The following TRIM3 variants were observed in gnomAD, a reference collection of about 807,000 sequenced individuals.
TRIM3 encodes tripartite motif containing 3.
TRIM3 carries 13 observed loss-of-function variants against 66.6 expected under a neutral mutation model. The observed-to-expected ratio is 0.20, with a 90% CI of 0.13 to 0.31. The LOEUF is 0.31. Among genes scored for constraint, TRIM3 ranks in the 10% least tolerant of loss-of-function variants. The pLI is 1.00. For missense variants in TRIM3, 711 were observed against 1,020.4 expected, an observed-to-expected ratio of 0.70 and a Z score of 4.13; for synonymous variants, 406 against 411.7, an observed-to-expected ratio of 0.99 and a Z score of 0.17.
At chr11:6,471,341 G>C (rs1850678783) in intron 1 of TRIM3, among the ~76,000 whole-genome samples, 1 of 152,162 alleles carries the variant, frequency 6.6e-6, no homozygotes, top group Non-Finnish European at 1.5e-5. Context: ...GATCATTTGA[G>C]ACCTCAAAAA....
chr11:6,448,779 A>G lies in TRIM3; in HGVS notation c.*249T>C, dbSNP rs892651286. 3.3e-6 allele frequency: 2 copies of G among 613,260 alleles called. No individual in the cohort carries two copies. Among genetic ancestry groups the G allele is most frequent in the African/African-American group, 3.7e-5 (2 of 54,048 alleles). The allele number at this position is 613,260 out of a possible 1,614,324, so 38.0% of individuals were successfully genotyped here. On this transcript the variant is annotated 3_prime_UTR_variant, in exon 12 of 12. Coordinates refer to ENST00000345851, the MANE Select transcript of TRIM3 (RefSeq NM_033278.4). ...ACTGACAGGGGTGGGGAGGTGTGTA[A>G]GAAGGGTAGGGTGAAGCTCTGCACA...
At position 6,457,920 on chromosome 11, in the gene TRIM3, C is replaced by T; in HGVS notation, c.364-73G>A. On this transcript the variant is annotated intron_variant, in intron 3 of 11. Coordinates refer to ENST00000345851, the MANE Select transcript of TRIM3 (RefSeq NM_033278.4). The surrounding 1 kb of genome is among the most constrained non-coding windows in gnomAD (Gnocchi z 4.5). The stretch of plus-strand genomic sequence containing the variant: ...TTTGTCCCCTCCCCACCTGCCCTCC[C>T]TGCCCCTCACCTTCTAAGTGCACCC... 1 of 1,588,932 alleles carries T rather than the reference C, an allele frequency of 6.3e-7. No homozygotes were observed. Among genetic ancestry groups the T allele is most frequent in the Non-Finnish European group, 8.6e-7 (1 of 1,164,900 alleles).
rs533894793 is a variant in TRIM3, at chr11:6,472,380, G to A, written c.-38+1411C>T. On this transcript the variant is annotated intron_variant, in intron 1 of 11. Transcript: ENST00000345851. ...ATTTGACTTCTAGTTTCCACTGTTA[G>A]GCTAAATGTGTTAGAGGATGGTCTT... 8.5e-5 allele frequency among the ~76,000 whole-genome samples: 13 copies of A among 152,292 alleles called. No individual in the cohort carries two copies. The East Asian group carries it at 1.7e-3, about 20-fold the overall frequency.
At chr11:6,466,354 C>T (rs1360336652) in intron 1 of TRIM3, among the ~76,000 whole-genome samples, 1 of 152,210 alleles carries the variant, frequency 6.6e-6, no homozygotes, top group Non-Finnish European at 1.5e-5. Context: ...TCCTGGAATA[C>T]AGCAATAGCC....
chr11:6,453,798 T>C (rs937943848), intron 7 of TRIM3, among the ~76,000 whole-genome samples: 3 of 152,192 alleles, frequency 2.0e-5, no homozygotes, highest in South Asian at 4.1e-4. Flanking sequence ...TCCTCCACCA[T>C]AGAAGTGTCC....
chr11:6,454,349 G>C (rs1849875435), intron 7 of TRIM3, among the ~76,000 whole-genome samples: 1 of 147,846 alleles, frequency 6.8e-6, no homozygotes, highest in African/African-American at 2.5e-5. Flanking sequence ...TGTGATCATA[G>C]CACTGTACTC....
In TRIM3 at chr11:6,449,884, T is replaced by C; in HGVS notation, c.1942-438A>G. ...TCACATCATTTCTCATCTGGATCAC[T>C]GCAAAAGATTGATCTTCCTGTCTCA... is the stretch of plus-strand genomic sequence containing the variant. On this transcript the variant is annotated intron_variant, in intron 10 of 11. Coordinates refer to ENST00000345851, the MANE Select transcript of TRIM3 (RefSeq NM_033278.4). This position sits in a 1 kb window ranked among gnomAD's most constrained non-coding sequence, Gnocchi z 5.3. The C allele has an allele frequency of 6.0e-6, 1 of 167,602 alleles. No homozygotes were observed. The highest frequency in any genetic ancestry group is 1.7e-4 in the East Asian group (1 of 5,916). The allele number at this position is 167,602 out of a possible 1,614,324, so 10.4% of individuals were successfully genotyped here.
intron 2 of TRIM3, among the ~76,000 whole-genome samples, chr11:6,462,337 C>A (rs775360507): frequency 1.3e-5 from 2 of 152,214 alleles, no homozygotes; most frequent in African/African-American, 2.4e-5. Flanking sequence ...AGTGAAGGCT[C>A]TGCAGTGAAA....
At chr11:6,468,131 T>TAA (rs1850544059) in intron 1 of TRIM3, among the ~76,000 whole-genome samples, 1 of 152,000 alleles carries the variant, frequency 6.6e-6, no homozygotes, top group Non-Finnish European at 1.5e-5. Context: ...AAAAATAAAA[T>TAA]AAATAATAAA....
At chr11:6,451,668 C>G (rs921555072) in intron 7 of TRIM3, 1 of 545,566 alleles carries the variant, frequency 1.8e-6, no homozygotes, top group Non-Finnish European at 3.3e-6. Context: ...TGAGAAAAGG[C>G]TCCAAGAGAA....
chr11:6,460,875 CTTTG>C (rs1351510387), intron 2 of TRIM3, among the ~76,000 whole-genome samples: 1 of 103,486 alleles, frequency 9.7e-6, no homozygotes, highest in Non-Finnish European at 2.2e-5. Flanking sequence ...ATTGTGTTTT[CTTTG>C]TTTTTGTTTT....
intron 2 of TRIM3, among the ~76,000 whole-genome samples, chr11:6,463,284 AT>A (rs1222791002): frequency 1.3e-5 from 2 of 152,258 alleles, no homozygotes; most frequent in African/African-American, 4.8e-5. Context: ...AAATAAAAAA[AT>A]AAAATGAAGT....
At chr11:6,453,795 C>G (rs948471307) in intron 7 of TRIM3, among the ~76,000 whole-genome samples, 1 of 152,198 alleles carries the variant, frequency 6.6e-6, no homozygotes, top group African/African-American at 2.4e-5. Context: ...TCATCCTCCA[C>G]CATAGAAGTG....
Position 6,456,840 on chromosome 11 carries a change from G to A in TRIM3, c.886C>T (p.Leu296=), listed in dbSNP as rs1358009128. ...CCGTCCACCTCAAGGACCAGTTCCA[G>A]CTGTGCATTCTCATGTGGCCGCTCC... ...FPERPHENAQ[L]ELVLEVDGLR... Residue 296 remains leucine (L), a synonymous_variant, in exon 6 of 12, where the codon CTG becomes TTG. Coordinates refer to ENST00000345851, the MANE Select transcript of TRIM3 (RefSeq NM_033278.4). The surrounding 1 kb of genome is among the most constrained non-coding windows in gnomAD (Gnocchi z 6.4). The A allele has an allele frequency of 6.2e-7, 1 of 1,612,986 alleles. No individual in the cohort carries two copies. The highest frequency in any genetic ancestry group is 8.5e-7 in the Non-Finnish European group (1 of 1,179,982).
intron 1 of TRIM3, among the ~76,000 whole-genome samples, chr11:6,470,172 G>A (rs1850624584): frequency 6.6e-6 from 1 of 152,200 alleles, no homozygotes; most frequent in African/African-American, 2.4e-5. Context: ...ATAGTTTAAA[G>A]GGCAAGGACG....
Position 6,450,532 on chromosome 11 carries a change from A to G in TRIM3, c.1941+19T>C. 10 of 1,610,200 alleles carry G rather than the reference A, an allele frequency of 6.2e-6. No individual in the cohort carries two copies. The highest frequency in any genetic ancestry group is 8.5e-6 in the Non-Finnish European group (10 of 1,176,390). On this transcript the variant is annotated intron_variant, in intron 10 of 11. Coordinates refer to ENST00000345851, the MANE Select transcript of TRIM3 (RefSeq NM_033278.4). This position sits in a 1 kb window ranked among gnomAD's most constrained non-coding sequence, Gnocchi z 4.8. ...AAGGATGTTGGGACAGTGGTCACGG[A>G]GGGAGGGAAGACACTGACCTTCACT... is the stretch of plus-strand genomic sequence containing the variant.
rs919706780 is a variant in TRIM3, at chr11:6,457,109, G to A, written c.697-80C>T. On this transcript the variant is annotated intron_variant, in intron 5 of 11. Transcript: ENST00000345851. The surrounding 1 kb of genome is among the most constrained non-coding windows in gnomAD (Gnocchi z 4.5). ...GTGATTACTGAAGTTGTAGCACTGTGGCATAAAATACAAGAGGGTGCCTGT... is the reference window on the plus strand; with the variant it reads ...GTGATTACTGAAGTTGTAGCACTGTAGCATAAAATACAAGAGGGTGCCTGT... 1 of 1,535,888 alleles carries A rather than the reference G, an allele frequency of 6.5e-7. No individual in the cohort carries two copies. The highest frequency in any genetic ancestry group is 8.8e-7 in the Non-Finnish European group (1 of 1,142,234).
chr11:6,459,042 A>T (rs1350798301), intron 2 of TRIM3, among the ~76,000 whole-genome samples: 1 of 152,216 alleles, frequency 6.6e-6, no homozygotes, highest in Non-Finnish European at 1.5e-5. Flanking sequence ...GAATGATAGA[A>T]AGTGATAAGG....
Position 6,457,890 on chromosome 11 carries a change from A to C in TRIM3, c.364-43T>G. On this transcript the variant is annotated intron_variant, in intron 3 of 11. Coordinates refer to ENST00000345851, the MANE Select transcript of TRIM3 (RefSeq NM_033278.4). This position sits in a 1 kb window ranked among gnomAD's most constrained non-coding sequence, Gnocchi z 4.5. Reference sequence around the variant, plus strand: ...CAGTCGGGTAATGGCTAGACATCACACTTCTTTGTCCCCTCCCCACCTGCC... The same window carrying C: ...CAGTCGGGTAATGGCTAGACATCACCCTTCTTTGTCCCCTCCCCACCTGCC... 6.2e-7 allele frequency: 1 copy of C among 1,610,844 alleles called. No individual in the cohort carries two copies. The highest frequency in any genetic ancestry group is 8.5e-7 in the Non-Finnish European group (1 of 1,177,928).
Sources: allele counts gnomAD v4.1 joint callset (sites outside exome capture counted in the v4.1 genomes callset), GRCh38; gene constraint gnomAD v4.1.1; non-coding constraint Gnocchi (gnomAD v3.1); transcripts MANE v1.5; gene names NCBI Gene and HGNC (gene_info 2026-07-23, HGNC 2026-07-21).